LRRC4C: variants seen among roughly 807,000 people sequenced by gnomAD.
LRRC4C encodes leucine-rich repeat-containing protein 4C.
Under a neutral mutation model 33.6 loss-of-function variants are expected in LRRC4C, and 5 were observed. The ratio of observed to expected loss-of-function variants is 0.15; its 90% CI spans 0.08 to 0.31. The LOEUF (loss-of-function observed/expected upper bound fraction) is 0.31, where lower values mean the gene tolerates loss of function less well. Among genes scored for constraint, LRRC4C ranks in the 10% least tolerant of loss-of-function variants. The pLI, the probability that LRRC4C is intolerant of heterozygous loss-of-function variation, is 1.00. For missense variants in LRRC4C, 560 were observed against 796.7 expected (o/e 0.70, Z 3.58); for synonymous variants, 329 against 302.0 (o/e 1.09, Z -0.93).
chr11:40,985,107 C>T (rs1160351314), intron 1 of LRRC4C, among the ~76,000 whole-genome samples: 4 of 151,518 alleles, frequency 2.6e-5, no homozygotes, highest in Non-Finnish European at 5.9e-5. Flanking sequence ...GGGAGGAGAC[C>T]CAAGAGTTCT....
chr11:40,318,862 ACAC>A (rs1460921588), intron 4 of LRRC4C, among the ~76,000 whole-genome samples: 4 of 152,210 alleles, frequency 2.6e-5, no homozygotes, highest in Non-Finnish European at 5.9e-5. Context: ...GTGATAGCAC[ACAC>A]AACATGTCTA....
intron 2 of LRRC4C, among the ~76,000 whole-genome samples, chr11:40,892,958 CA>C (rs1417871106): frequency 6.6e-6 from 1 of 151,578 alleles, no homozygotes; most frequent in East Asian, 1.9e-4. Flanking sequence ...GTTACCACAA[CA>C]AAAAAGAAAC....
chr11:40,224,578 A>G (rs1195960788), intron 5 of LRRC4C, among the ~76,000 whole-genome samples: 1 of 152,262 alleles, frequency 6.6e-6, no homozygotes, highest in East Asian at 1.9e-4. Flanking sequence ...ATCTATAGGT[A>G]TATGAGAAAA....
chr11:41,005,641 G>A (rs116825851), intron 1 of LRRC4C, among the ~76,000 whole-genome samples: 338 of 151,940 alleles, frequency 2.2e-3, no homozygotes, highest in African/African-American at 7.9e-3. Flanking sequence ...TGCCCCTGGC[G>A]CCTCTCACTC....
intron 2 of LRRC4C, among the ~76,000 whole-genome samples, chr11:40,657,495 C>T (rs562343373): frequency 6.6e-6 from 1 of 152,238 alleles, no homozygotes; most frequent in African/African-American, 2.4e-5. Flanking sequence ...CCATTCTATT[C>T]AGTTATCTCT....
intron 1 of LRRC4C, among the ~76,000 whole-genome samples, chr11:41,207,690 C>A (rs1479123892): frequency 6.6e-6 from 1 of 152,174 alleles, no homozygotes; most frequent in Non-Finnish European, 1.5e-5. Context: ...TGGAAGACAG[C>A]AAGCCAAGAA....
intron 2 of LRRC4C, among the ~76,000 whole-genome samples, chr11:40,880,149 G>A (rs938980483): frequency 2.0e-5 from 3 of 152,036 alleles, no homozygotes; most frequent in African/African-American, 2.4e-5. Flanking sequence ...TACTAGAGCC[G>A]CCTGCCAGAC....
chr11:41,389,230 G>A (rs1953483515), intron 1 of LRRC4C, among the ~76,000 whole-genome samples: 1 of 151,706 alleles, frequency 6.6e-6, no homozygotes, highest in Admixed American at 6.6e-5. Flanking sequence ...TATACATGTA[G>A]GTCCCACAAA....
chr11:41,443,089 A>ATTTTTT, intron 1 of LRRC4C, among the ~76,000 whole-genome samples: 24 of 105,950 alleles, frequency 2.3e-4, no homozygotes, highest in Non-Finnish European at 2.8e-4. Flanking sequence ...TGTTTGCTTC[A>ATTTTTT]TTTTTTTTTT....
At chr11:40,269,129 T>G (rs781382119) in intron 4 of LRRC4C, among the ~76,000 whole-genome samples, 13 of 152,142 alleles carry the variant, frequency 8.5e-5, no homozygotes, top group Non-Finnish European at 1.9e-4. Context: ...TTTTAGAGCA[T>G]TTTCAGTCTC....
intron 1 of LRRC4C, among the ~76,000 whole-genome samples, chr11:41,262,024 C>A (rs1488751782): frequency 6.6e-6 from 1 of 151,822 alleles, no homozygotes; most frequent in Non-Finnish European, 1.5e-5. Context: ...AAAATAAAAT[C>A]CTGGAATAGA....
chr11:40,114,975 T>C lies in LRRC4C; in HGVS notation c.1318A>G (p.Thr440Ala). ...GTGGTTGCTGCAGTAACATTCAGGG[T>C]GGCTGAAGCAGTAGTATTCCCAACG... Reference protein sequence around the residue: ...NSVGNTTASATLNVTAATTTP... With the variant: ...NSVGNTTASAALNVTAATTTP... The change falls in exon 7 of 7, where the codon ACC (threonine) becomes GCC (alanine). Residue 440 changes from threonine (T) to alanine (A), a missense_variant. Around this residue, in one of 3 missense-constraint regions of LRRC4C, gnomAD observed 455 missense variants for 643.8 expected, o/e 0.71. Coordinates refer to ENST00000528697, the MANE Select transcript of LRRC4C (RefSeq NM_001258419.2). 6.2e-7 allele frequency: 1 copy of C among 1,614,194 alleles called. No individual in the cohort carries two copies. The highest frequency in any genetic ancestry group is 1.7e-5 in the Admixed American group (1 of 60,024).
chr11:40,884,363 G>C (rs1374233387), intron 2 of LRRC4C, among the ~76,000 whole-genome samples: 1 of 152,060 alleles, frequency 6.6e-6, no homozygotes, highest in East Asian at 1.9e-4. Flanking sequence ...AAATAGTGCT[G>C]CAATAAACAT....
At chr11:40,955,627 A>C (rs1958919969) in intron 1 of LRRC4C, among the ~76,000 whole-genome samples, 1 of 151,796 alleles carries the variant, frequency 6.6e-6, no homozygotes, top group Non-Finnish European at 1.5e-5. Context: ...GTTTTTACCT[A>C]TATAATGTCC....
At chr11:40,537,891 T>C (rs1956542215) in intron 3 of LRRC4C, among the ~76,000 whole-genome samples, 1 of 152,160 alleles carries the variant, frequency 6.6e-6, no homozygotes, top group Non-Finnish European at 1.5e-5. Context: ...GCTGTAGCCC[T>C]GTCTACTCAG....
intron 1 of LRRC4C, among the ~76,000 whole-genome samples, chr11:41,322,105 T>C (rs956642350): frequency 6.6e-6 from 1 of 152,052 alleles, no homozygotes. Context: ...CCTCAGGTGA[T>C]CTGCCCGCCT....
chr11:40,387,257 C>T (rs1433491162), intron 3 of LRRC4C, among the ~76,000 whole-genome samples: 1 of 152,024 alleles, frequency 6.6e-6, no homozygotes, highest in Non-Finnish European at 1.5e-5. Flanking sequence ...ACAATGATTT[C>T]TGATCTGGGA....
intron 4 of LRRC4C, among the ~76,000 whole-genome samples, chr11:40,245,398 T>C (rs1866250978): frequency 6.6e-6 from 1 of 152,212 alleles, no homozygotes; most frequent in African/African-American, 2.4e-5. Flanking sequence ...AAATACAGTG[T>C]TTTGCCAAAG....
At chr11:40,615,281 T>C (rs1339733312) in intron 3 of LRRC4C, among the ~76,000 whole-genome samples, 2 of 137,840 alleles carry the variant, frequency 1.5e-5, no homozygotes, top group Non-Finnish European at 3.1e-5. Flanking sequence ...CACACACACA[T>C]ATGTATATTC....
Sources: allele counts gnomAD v4.1 joint callset (sites outside exome capture counted in the v4.1 genomes callset), GRCh38; gene constraint gnomAD v4.1.1; regional missense constraint gnomAD v4.1.1; transcripts MANE v1.5; gene names NCBI Gene and HGNC (gene_info 2026-07-23, HGNC 2026-07-21).